Variants in MAP2K3 observed in about 807,000 individuals in gnomAD.
The protein encoded by MAP2K3 is mitogen-activated protein kinase kinase 3.
In MAP2K3, 30 loss-of-function variants were observed where a neutral mutation model predicts 46.4. The ratio of observed to expected loss-of-function variants is 0.65; its 90% confidence interval spans 0.48 to 0.88. The LOEUF (loss-of-function observed/expected upper bound fraction) is 0.88. Among genes scored for constraint, MAP2K3 ranks in the 40% least tolerant of loss-of-function variants. The pLI is 0.00. For missense variants in MAP2K3, 380 were observed against 464.5 expected, an observed-to-expected ratio of 0.82 and a Z score of 1.67; for synonymous variants, 189 against 176.3, an observed-to-expected ratio of 1.07 and a Z score of -0.57.
chr17:21,299,053 G>A (rs1976438975), intron 3 of MAP2K3, 127 bp downstream of exon 3: 3 of 1,400,378 alleles, frequency 2.1e-6, no homozygotes, highest in Non-Finnish European at 3.0e-6. Flanking sequence ...CTGGAGAAGA[G>A]CCTCGTCCTG....
chr17:21,295,520 T>C, intron 1 of MAP2K3: 2 of 974,242 alleles, frequency 2.1e-6, no homozygotes, highest in Non-Finnish European at 2.4e-6. Flanking sequence ...AGCCCTGGGC[T>C]GCCTGGCCAT....
At chr17:21,287,523 A>G (rs1419250942) in intron 1 of MAP2K3, among the ~76,000 whole-genome samples, 1 of 152,216 alleles carries the variant, frequency 6.6e-6, no homozygotes, top group Non-Finnish European at 1.5e-5. Flanking sequence ...GCCTGGCAGC[A>G]GGTGCCCTGC....
At chr17:21,303,043 C>A in intron 6 of MAP2K3, 140 bp from the exon 7 acceptor site, 1 of 1,109,966 alleles carries the variant, frequency 9.0e-7, no homozygotes, top group Non-Finnish European at 1.3e-6. Context: ...GGGCAGGAGG[C>A]TGGGATGAGA....
intron 1 of MAP2K3, among the ~76,000 whole-genome samples, chr17:21,298,159 G>C (rs1238369019): frequency 6.6e-6 from 1 of 152,310 alleles, no homozygotes; most frequent in Non-Finnish European, 1.5e-5. Context: ...GATGTGCCCA[G>C]TGGGCAGGGC....
At chr17:21,304,627 G>C (rs41309278) in intron 8 of MAP2K3, 74 bp downstream of exon 8, 2 of 1,534,874 alleles carry the variant, frequency 1.3e-6, no homozygotes, top group Non-Finnish European at 8.9e-7. Context: ...TGGCCACCCC[G>C]GCCATACCCT....
chr17:21,287,027 G>A (rs959651959), intron 1 of MAP2K3, among the ~76,000 whole-genome samples: 3 of 152,240 alleles, frequency 2.0e-5, no homozygotes, highest in East Asian at 1.9e-4. Context: ...GGCGTTAAGT[G>A]CCTTGCCTGA....
At chr17:21,296,794 G>A (rs9914546) in intron 1 of MAP2K3, among the ~76,000 whole-genome samples, 1 of 152,288 alleles carries the variant, frequency 6.6e-6, no homozygotes, top group Non-Finnish European at 1.5e-5. Flanking sequence ...CCAGGGTGTT[G>A]CTGCATCTTA....
At chr17:21,303,371 G>A (rs1216613900) in intron 7 of MAP2K3, 137 bp downstream of exon 7, 28 of 1,240,408 alleles carry the variant, frequency 2.3e-5, no homozygotes, top group African/African-American at 8.9e-5. Context: ...GGTTCCAGCC[G>A]CTTTCCACCT....
Position 21,303,186 on chromosome 17 carries a change from G to A in MAP2K3, c.520G>A (p.Val174Met), listed in dbSNP as rs201593726. 236 of 1,613,940 alleles carry A rather than the reference G, an allele frequency of 1.5e-4. No individual in the cohort carries two copies. The South Asian group carries it at 2.2e-3, about 15-fold the overall frequency. Residue 174 changes from valine (V) to methionine (M), a missense_variant, in exon 7 of 12, where the codon GTG (valine) becomes ATG (methionine). Coordinates refer to ENST00000342679, the MANE Select transcript of MAP2K3 (RefSeq NM_145109.3). The stretch of plus-strand genomic sequence containing the variant: ...CTCCTCCCCACCCCACCGCCAGATC[G>A]TGCGGGCCCTGGAGCATCTGCACAG... ...DILGEIAVSI[V>M]RALEHLHSKL...
chr17:21,289,388 C>A (rs1269888297), intron 1 of MAP2K3, among the ~76,000 whole-genome samples: 2 of 147,020 alleles, frequency 1.4e-5, no homozygotes, highest in East Asian at 4.0e-4. Context: ...GCCCGGGAAG[C>A]AAGAGGGCCT....
intron 1 of MAP2K3, chr17:21,288,146 C>T (rs1975777628): frequency 1.6e-6 from 2 of 1,258,072 alleles, no homozygotes; most frequent in South Asian, 1.2e-5. Flanking sequence ...CAGCCGGCTG[C>T]CTACAGCTTA....
At chr17:21,298,961 A>G (rs943212391) in intron 3 of MAP2K3, 35 bp downstream of exon 3, 7 of 1,613,402 alleles carry the variant, frequency 4.3e-6, no homozygotes, top group East Asian at 2.2e-5. Context: ...AGGGCCTCTC[A>G]CTTCACCTGA....
chr17:21,311,019 A>G (rs913737064), intron 9 of MAP2K3, among the ~76,000 whole-genome samples: 3 of 152,164 alleles, frequency 2.0e-5, no homozygotes, highest in African/African-American at 2.4e-5. Context: ...AAGCCCCCCA[A>G]ATCGGTACGG....
At chr17:21,296,142 G>T (rs373941871) in intron 1 of MAP2K3, 1 of 1,289,588 alleles carries the variant, frequency 7.8e-7, no homozygotes, top group Admixed American at 2.3e-5. Flanking sequence ...CCCCATCTGC[G>T]CAGTGAACCC....
At chr17:21,312,318 C>G (rs1476896188) in intron 10 of MAP2K3, 37 bp downstream of exon 10, 6 of 1,548,210 alleles carry the variant, frequency 3.9e-6, no homozygotes, top group Non-Finnish European at 4.3e-6. Flanking sequence ...TGCCACTGCC[C>G]CTCCCTGGCC....
intron 1 of MAP2K3, among the ~76,000 whole-genome samples, chr17:21,295,157 G>A (rs370944418): frequency 9.0e-3 from 1,364 of 151,732 alleles, no homozygotes; most frequent in African/African-American, 0.03. Context: ...AAGGCCCTGC[G>A]GTGGGAAAGC....
chr17:21,301,440 C>T (rs533839313), intron 5 of MAP2K3, among the ~76,000 whole-genome samples: 1 of 152,430 alleles, frequency 6.6e-6, no homozygotes, highest in East Asian at 1.9e-4. Flanking sequence ...AAGAGTGGAG[C>T]TGCCTTCCGC....
chr17:21,304,365 C>A, intron 7 of MAP2K3, 61 bp from the exon 8 acceptor site: 2 of 1,613,510 alleles, frequency 1.2e-6, no homozygotes, highest in East Asian at 2.2e-5. Flanking sequence ...CTATGCAGAG[C>A]ATGGCACCTG....
At chr17:21,311,231 G>A (rs1368582237) in intron 9 of MAP2K3, among the ~76,000 whole-genome samples, 4 of 152,258 alleles carry the variant, frequency 2.6e-5, no homozygotes, top group East Asian at 3.9e-4. Context: ...TGGTGATGAC[G>A]GCCGGCAGTG....
Sources: gnomAD v4.1 joint callset for allele counts (sites outside exome capture counted in the v4.1 genomes callset) on GRCh38, gnomAD v4.1.1 for gene constraint, MANE v1.5 for transcripts, NCBI Gene and HGNC (gene_info 2026-07-23, HGNC 2026-07-21) for gene names.